Variants in MAP3K13 observed in about 807,000 individuals in gnomAD.
MAP3K13 encodes mitogen-activated protein kinase kinase kinase 13, also known as leucine zipper-bearing kinase.
MAP3K13 carries 52 observed loss-of-function variants against 104.0 expected under a neutral mutation model. That is an observed-to-expected ratio of 0.50 (90% CI 0.40 to 0.63). The LOEUF (loss-of-function observed/expected upper bound fraction) is 0.63. Among genes scored for constraint, MAP3K13 ranks in the 20% least tolerant of loss-of-function variants. The pLI is 0.00. For synonymous variants in MAP3K13, 394 were observed against 442.2 expected (o/e 0.89, Z 1.37); for missense variants, 914 against 1,218.5 (o/e 0.75, Z 3.72).
intron 2 of MAP3K13, among the ~76,000 whole-genome samples, chr3:185,300,139 G>A (rs912588531): frequency 6.6e-6 from 1 of 150,632 alleles, no homozygotes; most frequent in Non-Finnish European, 1.5e-5. Flanking sequence ...TTAACACAGT[G>A]TCCTCAGAGT....
At chr3:185,324,434 G>T (rs1448914102) in intron 2 of MAP3K13, among the ~76,000 whole-genome samples, 15 of 151,712 alleles carry the variant, frequency 9.9e-5, no homozygotes, top group Admixed American at 3.3e-4. Flanking sequence ...TTATTTTCTC[G>T]CTTTAAAATC....
At chr3:185,368,998 G>A (rs893989875) in intron 1 of MAP3K13, among the ~76,000 whole-genome samples, 1 of 149,788 alleles carries the variant, frequency 6.7e-6, no homozygotes, top group South Asian at 2.1e-4. Context: ...CAAGTATAAA[G>A]GTGTTGTCAT....
At chr3:185,341,246 A>C (rs996588219) in intron 2 of MAP3K13, among the ~76,000 whole-genome samples, 1 of 152,204 alleles carries the variant, frequency 6.6e-6, no homozygotes, top group Non-Finnish European at 1.5e-5. Flanking sequence ...TATCCTTATA[A>C]GAAGAGGAGA....
chr3:185,470,833 A>G (rs1717732498), intron 10 of MAP3K13, among the ~76,000 whole-genome samples: 1 of 152,242 alleles, frequency 6.6e-6, no homozygotes. Context: ...AAAAATATAA[A>G]CTTTACTTCT....
chr3:185,446,287 G>A (rs1280811999), intron 4 of MAP3K13, among the ~76,000 whole-genome samples: 1 of 148,898 alleles, frequency 6.7e-6, no homozygotes, highest in Non-Finnish European at 1.5e-5. Flanking sequence ...ATGGGGTCTC[G>A]CTCTGTCGCC....
intron 2 of MAP3K13, among the ~76,000 whole-genome samples, chr3:185,294,205 G>A (rs529156757): frequency 5.1e-4 from 77 of 152,180 alleles, no homozygotes; most frequent in Non-Finnish European, 8.1e-4. Flanking sequence ...AATGATTTAA[G>A]ATAAATAAGT....
rs763293513 is a variant in MAP3K13 at position 185,466,932 on chromosome 3, G to A, written c.1612G>A (p.Val538Met). ...GGAGAAACTCATGAAAAGGAAAGGAGTGCCTCACAAATCTGGGATGCAGAC... is the reference window on the plus strand; with the variant it reads ...GGAGAAACTCATGAAAAGGAAAGGAATGCCTCACAAATCTGGGATGCAGAC... ...AMEKLMKRKG[V>M]PHKSGMQTKR... Residue 538 changes from valine (V) to methionine (M), a missense_variant, in exon 10 of 14, where the codon GTG becomes ATG. Val to Met is a conservative substitution (Grantham distance 21). Around this residue, in one of 3 missense-constraint regions of MAP3K13, gnomAD observed 583 missense variants for 737.4 expected, o/e 0.79. Coordinates refer to ENST00000265026, the MANE Select transcript of MAP3K13 (RefSeq NM_004721.5). 12 of 1,613,844 alleles carry A rather than the reference G, an allele frequency of 7.4e-6. 1 individual carries two copies. In the South Asian group the frequency reaches 1.2e-4, roughly 16 times the overall value.
At chr3:185,307,559 C>A (rs1174136326) in intron 2 of MAP3K13, among the ~76,000 whole-genome samples, 1 of 144,648 alleles carries the variant, frequency 6.9e-6, no homozygotes. Context: ...CCCCGCCACC[C>A]CGAGATGCAG....
intron 2 of MAP3K13, among the ~76,000 whole-genome samples, chr3:185,306,871 G>C (rs1721302563): frequency 6.6e-6 from 1 of 152,142 alleles, no homozygotes; most frequent in African/African-American, 2.4e-5. Context: ...TAATGTCCAG[G>C]ATAGTGTTTC....
intron 7 of MAP3K13, among the ~76,000 whole-genome samples, chr3:185,454,593 GAT>G (rs1377281324): frequency 1.7e-5 from 1 of 57,754 alleles, no homozygotes; most frequent in African/African-American, 5.2e-5. Flanking sequence ...ATGATATATA[GAT>G]ATATATGAGA....
In MAP3K13 at chr3:185,432,185, C is replaced by CTTTTT. The variant is rs11407161; in HGVS notation, c.475+3147_475+3151dup. On this transcript the variant is annotated intron_variant, in intron 2 of 13. Coordinates refer to ENST00000265026, the MANE Select transcript of MAP3K13 (RefSeq NM_004721.5). ...ATCCAGAGATAACCATTTCTAATTG[C>CTTTTT]TTTTTTTTTTTTTTTTTTTTTTGAG... is the stretch of plus-strand genomic sequence containing the variant. Among the ~76,000 whole-genome samples, 276 of 90,096 alleles carry CTTTTT rather than the reference C, an allele frequency of 3.1e-3. 14 individuals are homozygous for CTTTTT. Among genetic ancestry groups the CTTTTT allele is most frequent in the African/African-American group, 9.8e-3 (229 of 23,344 alleles). 59.1% of individuals were successfully genotyped at this position (90,096 alleles called of 152,430 possible).
chr3:185,339,555 A>G (rs1258646579), intron 2 of MAP3K13, among the ~76,000 whole-genome samples: 1 of 152,210 alleles, frequency 6.6e-6, no homozygotes, highest in Admixed American at 6.5e-5. Flanking sequence ...AAACTTTACA[A>G]AACATTGCTT....
At position 185,482,562 on chromosome 3, in the gene MAP3K13, G is replaced by C; in HGVS notation, c.*106G>C. The C allele has an allele frequency of 1.2e-6, 1 of 804,078 alleles. No individual in the cohort carries two copies. The highest frequency in any genetic ancestry group is 2.1e-6 in the Non-Finnish European group (1 of 482,434). 49.8% of individuals were successfully genotyped at this position (804,078 alleles called of 1,614,324 possible). ...TCCCAGCATTTTGTCTGGGAAGAGA[G>C]ACTACCCCATCTTTACCACCCCCTA... On this transcript the variant is annotated 3_prime_UTR_variant, in exon 14 of 14. Coordinates refer to ENST00000265026, the MANE Select transcript of MAP3K13 (RefSeq NM_004721.5). The surrounding 1 kb of genome is among the most constrained non-coding windows in gnomAD (Gnocchi z 4.5).
At chr3:185,288,685 C>T (rs1252240583) in intron 2 of MAP3K13, among the ~76,000 whole-genome samples, 11 of 151,920 alleles carry the variant, frequency 7.2e-5, no homozygotes, top group African/African-American at 2.4e-5. Context: ...AAATAATTTT[C>T]GAAGTTTTAA....
At chr3:185,393,051 C>A (rs571826334) in intron 1 of MAP3K13, among the ~76,000 whole-genome samples, 2 of 150,628 alleles carry the variant, frequency 1.3e-5, no homozygotes, top group East Asian at 3.9e-4. Flanking sequence ...GACTCCATCT[C>A]AAAAAAAATA....
intron 1 of MAP3K13, among the ~76,000 whole-genome samples, chr3:185,406,758 T>C (rs1713135170): frequency 6.6e-6 from 1 of 152,356 alleles, no homozygotes; most frequent in East Asian, 1.9e-4. Context: ...CCATAGGTAT[T>C]TAATAATGAC....
At position 185,484,265 on chromosome 3, in the gene MAP3K13, AG is replaced by A. The variant is rs1560140949; in HGVS notation, c.*1812del. 6.6e-6 allele frequency: 1 copy of A among 152,212 alleles called. No homozygotes were observed. Among genetic ancestry groups the A allele is most frequent in the African/African-American group, 2.4e-5 (1 of 41,458 alleles). 9.4% of individuals were successfully genotyped at this position (152,212 alleles called of 1,614,324 possible). On this transcript the variant is annotated 3_prime_UTR_variant, in exon 14 of 14. Coordinates refer to ENST00000265026, the MANE Select transcript of MAP3K13 (RefSeq NM_004721.5). ...AAAGCATGAGGTCCTGCCTGTCTCC[AG>A]GGTCATGGGCTCTGAAAAGCATTCC... is the stretch of plus-strand genomic sequence containing the variant.
intron 1 of MAP3K13, among the ~76,000 whole-genome samples, chr3:185,401,908 C>G (rs1394709326): frequency 6.6e-6 from 1 of 152,158 alleles, no homozygotes; most frequent in Non-Finnish European, 1.5e-5. Flanking sequence ...GACCTCTTAC[C>G]TGGAAACCCG....
intron 4 of MAP3K13, among the ~76,000 whole-genome samples, chr3:185,445,435 T>C (rs1456066105): frequency 1.3e-5 from 2 of 152,208 alleles, no homozygotes; most frequent in African/African-American, 4.8e-5. Context: ...GTAGTGTTCA[T>C]TTCTTCCGTT....
Sources: allele counts gnomAD v4.1 joint callset (sites outside exome capture counted in the v4.1 genomes callset), GRCh38; gene constraint gnomAD v4.1.1; regional missense constraint gnomAD v4.1.1; non-coding constraint Gnocchi (gnomAD v3.1); transcripts MANE v1.5; gene names NCBI Gene and HGNC (gene_info 2026-07-23, HGNC 2026-07-21).